Variants in SGCD observed in about 807,000 individuals in gnomAD.
SGCD encodes sarcoglycan delta, also known as delta-sarcoglycan.
In SGCD, 18 loss-of-function variants were observed where a neutral mutation model predicts 36.6. The observed-to-expected ratio is 0.49, with a 90% CI of 0.34 to 0.73. The LOEUF (loss-of-function observed/expected upper bound fraction) is 0.73, where lower values mean the gene tolerates loss of function less well. SGCD is among the 30% of genes least tolerant of loss of function. The pLI is 0.01. For synonymous variants in SGCD, 133 were observed against 130.6 expected, an observed-to-expected ratio of 1.02 and a Z score of -0.12; for missense variants, 387 against 346.7, an observed-to-expected ratio of 1.12 and a Z score of -0.92.
At chr5:155,923,345 G>T (rs1756928776) in intron 1 of SGCD, among the ~76,000 whole-genome samples, 1 of 149,854 alleles carries the variant, frequency 6.7e-6, no homozygotes, top group Non-Finnish European at 1.5e-5. Context: ...ACAAATCTCT[G>T]GATTACCTTT....
intron 1 of SGCD, among the ~76,000 whole-genome samples, chr5:155,881,325 A>AATAAATAAATAAATAG (rs1435400960): frequency 6.6e-6 from 1 of 151,954 alleles, no homozygotes; most frequent in Non-Finnish European, 1.5e-5. Flanking sequence ...TAAATAAATA[A>AATAAATAAATAAATAG]AGAATATAGC....
chr5:156,594,640 G>T (rs757836556), intron 5 of SGCD, among the ~76,000 whole-genome samples: 1 of 152,148 alleles, frequency 6.6e-6, no homozygotes. Flanking sequence ...GGTTAGCTGA[G>T]GGAAATCACA....
At chr5:155,776,724 GA>G in the SGCD span, among the ~76,000 whole-genome samples, 2 of 140,848 alleles carry the variant, frequency 1.4e-5, no homozygotes, top group Non-Finnish European at 3.0e-5. Context: ...ATAGTTTTCT[GA>G]AAAGCAAATT....
At chr5:156,229,269 T>TATACAC (rs1764937041) in intron 3 of SGCD, among the ~76,000 whole-genome samples, 2 of 88,568 alleles carry the variant, frequency 2.3e-5, no homozygotes, top group Admixed American at 2.5e-4. Context: ...TACATATATA[T>TATACAC]ATACATACAT....
intron 2 of SGCD, among the ~76,000 whole-genome samples, chr5:156,338,131 T>A (rs893095757): frequency 1.3e-5 from 2 of 150,932 alleles, no homozygotes; most frequent in African/African-American, 2.4e-5. Context: ...GGAAACTTGA[T>A]GGCATTGATG....
At chr5:156,469,984 C>A (rs1754883973) in intron 3 of SGCD, among the ~76,000 whole-genome samples, 1 of 152,168 alleles carries the variant, frequency 6.6e-6, no homozygotes, top group South Asian at 2.1e-4. Flanking sequence ...AGAAAATATG[C>A]TGATTATAGA....
intron 1 of SGCD, among the ~76,000 whole-genome samples, chr5:155,998,804 C>T (rs1758606766): frequency 6.6e-6 from 1 of 152,168 alleles, no homozygotes; most frequent in Non-Finnish European, 1.5e-5. Context: ...GACTTACCTG[C>T]TGGGTTCCCT....
chr5:156,371,271 A>T (rs1226637077), intron 3 of SGCD, among the ~76,000 whole-genome samples: 1 of 152,072 alleles, frequency 6.6e-6, no homozygotes, highest in Non-Finnish European at 1.5e-5. Flanking sequence ...ATTTTAATCC[A>T]CTCTGGAAGA....
chr5:155,918,459 A>C (rs986120217), intron 1 of SGCD, among the ~76,000 whole-genome samples: 5 of 152,194 alleles, frequency 3.3e-5, no homozygotes, highest in Admixed American at 6.5e-5. Context: ...GCTACTCAGG[A>C]GGTTGAGGCA....
chr5:156,307,312 C>T (rs1245991962), intron 3 of SGCD, among the ~76,000 whole-genome samples: 1 of 152,152 alleles, frequency 6.6e-6, no homozygotes, highest in Non-Finnish European at 1.5e-5. Context: ...TCCTAAAGTG[C>T]TGCACAGATG....
chr5:156,133,422 T>C (rs951468731), intron 3 of SGCD, among the ~76,000 whole-genome samples: 1 of 152,236 alleles, frequency 6.6e-6, no homozygotes, highest in Non-Finnish European at 1.5e-5. Context: ...TCTATTCTTT[T>C]CTTCCTACTT....
chr5:156,409,819 C>T (rs1200494677), intron 3 of SGCD, among the ~76,000 whole-genome samples: 1 of 152,148 alleles, frequency 6.6e-6, no homozygotes, highest in Non-Finnish European at 1.5e-5. Context: ...CACACCATCC[C>T]AGCCTCCTCA....
intron 3 of SGCD, among the ~76,000 whole-genome samples, chr5:156,241,814 A>G (rs1282651719): frequency 1.3e-5 from 2 of 152,146 alleles, no homozygotes; most frequent in African/African-American, 4.8e-5. Context: ...CCCTTGCACA[A>G]TGTTTACACT....
At chr5:155,997,943 A>G (rs1758587500) in intron 1 of SGCD, among the ~76,000 whole-genome samples, 1 of 152,182 alleles carries the variant, frequency 6.6e-6, no homozygotes, top group African/African-American at 2.4e-5. Flanking sequence ...TTGGATTTGA[A>G]CTTTCCCATT....
intron 1 of SGCD, among the ~76,000 whole-genome samples, chr5:156,116,916 G>C (rs1266432107): frequency 6.6e-6 from 1 of 151,990 alleles, no homozygotes; most frequent in Middle Eastern, 3.2e-3. Context: ...AATGGCTTGG[G>C]GGTTGGGCAG....
intron 3 of SGCD, among the ~76,000 whole-genome samples, chr5:156,314,172 G>C (rs1372340721): frequency 1.3e-5 from 2 of 151,986 alleles, no homozygotes; most frequent in African/African-American, 4.8e-5. Context: ...AAATCTATAG[G>C]AGGGTCACTG....
At chr5:156,017,727 A>T (rs1759014666) in intron 1 of SGCD, among the ~76,000 whole-genome samples, 2 of 152,154 alleles carry the variant, frequency 1.3e-5, no homozygotes. Context: ...TCTAAGAATG[A>T]ATCATATTGT....
At chr5:156,240,973 A>G (rs899632836) in intron 3 of SGCD, among the ~76,000 whole-genome samples, 2 of 152,232 alleles carry the variant, frequency 1.3e-5, no homozygotes, top group African/African-American at 2.4e-5. Context: ...TTAATTTATT[A>G]AATGACCAAT....
intron 3 of SGCD, among the ~76,000 whole-genome samples, chr5:156,493,604 G>C (rs923974966): frequency 2.0e-5 from 3 of 152,102 alleles, no homozygotes; most frequent in African/African-American, 7.2e-5. Flanking sequence ...TGGATTGGCT[G>C]GTAGGAAAGC....
Sources: allele counts gnomAD v4.1 joint callset (sites outside exome capture counted in the v4.1 genomes callset), GRCh38; gene constraint gnomAD v4.1.1; transcripts MANE v1.5; gene names NCBI Gene and HGNC (gene_info 2026-07-23, HGNC 2026-07-21).